The following ATP8A2 variants were observed in gnomAD, a reference collection of about 807,000 sequenced individuals.
ATP8A2 encodes ATPase phospholipid transporting 8A2.
A neutral mutation model predicts 165.6 loss-of-function variants in ATP8A2; 100 were observed. The ratio of observed to expected loss-of-function variants is 0.60; its 90% confidence interval spans 0.51 to 0.71. The LOEUF is 0.71. Ranked by LOEUF, ATP8A2 falls within the 30% of genes least tolerant of loss-of-function variation. The pLI, the probability that ATP8A2 is intolerant of heterozygous loss-of-function variation, is 0.00. For missense variants in ATP8A2, 1,227 were observed against 1,479.5 expected, an observed-to-expected ratio of 0.83 and a Z score of 2.80; for synonymous variants, 543 against 548.8, an observed-to-expected ratio of 0.99 and a Z score of 0.15.
At chr13:25,745,870 C>T (rs1016100680) in intron 25 of ATP8A2, among the ~76,000 whole-genome samples, 2 of 152,096 alleles carry the variant, frequency 1.3e-5, no homozygotes, top group African/African-American at 4.8e-5. Context: ...AATGCAGTGC[C>T]AAAAATGGTA....
intron 1 of ATP8A2, among the ~76,000 whole-genome samples, chr13:25,464,645 C>A (rs1486097532): frequency 6.6e-6 from 1 of 151,920 alleles, no homozygotes; most frequent in Non-Finnish European, 1.5e-5. Flanking sequence ...ATCCCTGGTC[C>A]AAAGAGCTGT....
rs757495863 is a variant in ATP8A2 at position 25,589,654 on chromosome 13, A to G, written c.2166A>G (p.Val722=). Residue 722 remains valine (V), a synonymous_variant, in exon 24 of 37, where the codon GTA becomes GTG. Transcript: ENST00000381655. ...AINIGYSCRL[V]SQNMALILLK... ...CTTCAGGGTATTCCTGCCGATTGGT[A>G]TCGCAGAATATGGCCCTTATCCTAT... The G allele has an allele frequency of 1.2e-6, 2 of 1,612,292 alleles. No individual in the cohort carries two copies. The highest frequency in any genetic ancestry group is 1.7e-6 in the Non-Finnish European group (2 of 1,178,528).
intron 27 of ATP8A2, among the ~76,000 whole-genome samples, chr13:25,793,132 G>A (rs2045225322): frequency 6.6e-6 from 1 of 152,134 alleles, no homozygotes. Context: ...AGAAACAAAG[G>A]GATTTTCACA....
At chr13:26,008,068 T>C (rs1021076018) in intron 35 of ATP8A2, among the ~76,000 whole-genome samples, 6 of 152,254 alleles carry the variant, frequency 3.9e-5, no homozygotes, top group Non-Finnish European at 7.4e-5. Context: ...TACATGCTAA[T>C]ATATTAATAT....
intron 2 of ATP8A2, among the ~76,000 whole-genome samples, chr13:25,512,606 T>C: frequency 7.1e-6 from 1 of 140,760 alleles, no homozygotes; most frequent in African/African-American, 2.7e-5. Flanking sequence ...GCCCCTCACC[T>C]CCCGGACGGG....
chr13:25,514,915 T>C (rs1165306787), intron 2 of ATP8A2, among the ~76,000 whole-genome samples: 1 of 152,170 alleles, frequency 6.6e-6, no homozygotes, highest in African/African-American at 2.4e-5. Flanking sequence ...GTAAAGTTAA[T>C]GTGTCAACTC....
chr13:25,469,149 A>T, intron 2 of ATP8A2, 28 bp downstream of exon 2: 1 of 1,610,756 alleles, frequency 6.2e-7, no homozygotes, highest in Non-Finnish European at 8.5e-7. Context: ...GCTCGCGCGG[A>T]AGGCGGTGGA....
At chr13:25,720,232 A>G (rs9511888) in intron 25 of ATP8A2, among the ~76,000 whole-genome samples, 22,930 of 141,372 alleles carry the variant, frequency 0.16, 1,927 homozygotes, top group South Asian at 0.19. Flanking sequence ...CAGTGGTGCA[A>G]TCTCGGCTCA....
chr13:25,475,951 T>A (rs2035982952), intron 2 of ATP8A2, among the ~76,000 whole-genome samples: 1 of 152,250 alleles, frequency 6.6e-6, no homozygotes, highest in South Asian at 2.1e-4. Context: ...GCATATATTT[T>A]CTCCCATTCT....
chr13:25,563,873 C>G, intron 15 of ATP8A2, 83 bp from the exon 16 acceptor site: 2 of 938,622 alleles, frequency 2.1e-6, no homozygotes, highest in East Asian at 2.4e-5. Context: ...TATGGTTCTT[C>G]TTGAAGGCAG....
At chr13:25,653,854 C>T (rs1004049954) in intron 24 of ATP8A2, among the ~76,000 whole-genome samples, 2 of 152,084 alleles carry the variant, frequency 1.3e-5, no homozygotes, top group Non-Finnish European at 2.9e-5. Context: ...GGTAGACTTA[C>T]TCAGGATAGA....
chr13:25,490,041 C>T (rs1335563915), intron 2 of ATP8A2, among the ~76,000 whole-genome samples: 2 of 152,168 alleles, frequency 1.3e-5, no homozygotes, highest in Admixed American at 1.3e-4. Context: ...CTTGGTGTTG[C>T]AGCGCAGTGG....
intron 33 of ATP8A2, among the ~76,000 whole-genome samples, chr13:25,948,191 C>T (rs1243478712): frequency 6.6e-6 from 1 of 151,996 alleles, no homozygotes; most frequent in Non-Finnish European, 1.5e-5. Context: ...GTGGGGTAGC[C>T]CTTCTCCTGA....
rs1356160307 is a variant in ATP8A2 at position 25,644,523 on chromosome 13, T to TG, written c.2212-54650_2212-54649insG. Among the ~76,000 whole-genome samples the TG allele has an allele frequency of 2.0e-5, 3 of 151,934 alleles. No homozygotes were observed. The East Asian group carries it at 5.8e-4, about 29-fold the overall frequency. On this transcript the variant is annotated intron_variant, in intron 24 of 36. Coordinates refer to ENST00000381655, the MANE Select transcript of ATP8A2 (RefSeq NM_016529.6). ...AAGGATATTGGCTTGCAGTATTTTT[T>TG]TTTTTGTGATGTCCATGTTTGGTTT...
intron 25 of ATP8A2, among the ~76,000 whole-genome samples, chr13:25,767,063 C>T (rs1351904733): frequency 6.6e-6 from 1 of 152,218 alleles, no homozygotes; most frequent in Non-Finnish European, 1.5e-5. Flanking sequence ...TTAACTGTGG[C>T]TCCCAGGTTG....
chr13:25,927,137 G>A (rs1297007189), intron 33 of ATP8A2: 8 of 456,508 alleles, frequency 1.8e-5, no homozygotes, highest in East Asian at 1.4e-4. Context: ...GTCCTGATAC[G>A]AGCACACAAA....
intron 2 of ATP8A2, among the ~76,000 whole-genome samples, chr13:25,520,822 G>A (rs1328122447): frequency 6.6e-6 from 1 of 151,944 alleles, no homozygotes; most frequent in Non-Finnish European, 1.5e-5. Flanking sequence ...CACCATGTTA[G>A]CCAGGATGGT....
At chr13:25,948,038 A>T (rs1376704097) in intron 33 of ATP8A2, among the ~76,000 whole-genome samples, 1 of 152,158 alleles carries the variant, frequency 6.6e-6, no homozygotes, top group Middle Eastern at 3.2e-3. Context: ...TTGGAATATA[A>T]AAAAGAGACT....
chr13:25,386,295 C>G (rs972990374), intron 1 of ATP8A2, among the ~76,000 whole-genome samples: 5 of 152,148 alleles, frequency 3.3e-5, no homozygotes, highest in African/African-American at 1.2e-4. Flanking sequence ...TCCCGAGAAA[C>G]AAAACCAGTT....
Sources: allele counts gnomAD v4.1 joint callset (sites outside exome capture counted in the v4.1 genomes callset), GRCh38; gene constraint gnomAD v4.1.1; transcripts MANE v1.5; gene names NCBI Gene and HGNC (gene_info 2026-07-23, HGNC 2026-07-21).